MSR1: variants seen among roughly 807,000 people sequenced by gnomAD.
MSR1 encodes macrophage scavenger receptor 1.
MSR1 carries 53 observed loss-of-function variants against 47.2 expected under a neutral mutation model. The observed-to-expected ratio is 1.12, with a 90% CI of 0.90 to 1.41. The LOEUF is 1.41. Among genes scored for constraint, MSR1 ranks in the 40% most tolerant of loss-of-function variants. The pLI, the probability that MSR1 is intolerant of heterozygous loss-of-function variation, is 0.00. For missense variants in MSR1, 786 were observed against 546.9 expected (o/e 1.44, Z -4.36); for synonymous variants, 239 against 185.6 (o/e 1.29, Z -2.34).
At chr8:16,168,940 TCATTCCATTCCGTTCATTTTATTC>T in intron 3 of MSR1, 70 bp from the exon 4 acceptor site, 1 of 1,421,868 alleles carries the variant, frequency 7.0e-7, no homozygotes, top group African/African-American at 1.4e-5. Flanking sequence ...CCATCCCATA[TCATTCCATTCCGTTCATTTTATTC>T]CATTCCATTC....
chr8:16,157,099 G>T (rs146872955), intron 5 of MSR1, among the ~76,000 whole-genome samples: 1 of 152,120 alleles, frequency 6.6e-6, no homozygotes, highest in East Asian at 1.9e-4. Flanking sequence ...CGCAAGCAAA[G>T]ATTTCAGTTT....
chr8:16,132,700 G>C (rs1449273490), intron 8 of MSR1, among the ~76,000 whole-genome samples: 1 of 152,024 alleles, frequency 6.6e-6, no homozygotes, highest in Admixed American at 6.6e-5. Context: ...GGCCAGGCTG[G>C]TCTGGAACTC....
At chr8:16,121,382 G>T (rs114555755) in intron 8 of MSR1, among the ~76,000 whole-genome samples, 2,830 of 152,070 alleles carry the variant, frequency 0.019, 96 homozygotes, top group African/African-American at 0.063. Context: ...GTAAAATCTT[G>T]ATCATGCTAC....
intron 1 of MSR1, among the ~76,000 whole-genome samples, chr8:16,190,745 G>C (rs1226298300): frequency 2.6e-5 from 3 of 116,986 alleles, no homozygotes; most frequent in Admixed American, 9.9e-5. Context: ...TTTTGAGATG[G>C]AGTTTCGCTC....
chr8:16,131,054 A>G (rs1024563081), intron 8 of MSR1, among the ~76,000 whole-genome samples: 2 of 152,142 alleles, frequency 1.3e-5, no homozygotes, highest in Non-Finnish European at 1.5e-5. Context: ...ATAAACCACC[A>G]AAGTGCTTTC....
intron 6 of MSR1, among the ~76,000 whole-genome samples, chr8:16,153,982 G>C (rs866718529): frequency 6.6e-6 from 1 of 151,814 alleles, no homozygotes; most frequent in Non-Finnish European, 1.5e-5. Context: ...TTATATATAT[G>C]GGTAGGATTG....
chr8:16,186,550 CA>C (rs1802005713), intron 1 of MSR1, among the ~76,000 whole-genome samples: 1 of 152,080 alleles, frequency 6.6e-6, no homozygotes, highest in South Asian at 2.1e-4. Flanking sequence ...GCTTTGTTTT[CA>C]AACGCTATGT....
At chr8:16,139,620 G>A (rs1176074954) in intron 8 of MSR1, 3 of 972,938 alleles carry the variant, frequency 3.1e-6, no homozygotes, top group Non-Finnish European at 3.7e-6. Context: ...TAGAACAAAA[G>A]AATATTGGTA....
At chr8:16,112,043 G>A (rs764521910) in intron 9 of MSR1, among the ~76,000 whole-genome samples, 1 of 152,106 alleles carries the variant, frequency 6.6e-6, no homozygotes, top group Non-Finnish European at 1.5e-5. Flanking sequence ...TTATGTTCTA[G>A]GTAGATGAAG....
intron 8 of MSR1, among the ~76,000 whole-genome samples, chr8:16,131,670 G>C (rs1800263138): frequency 1.3e-5 from 2 of 151,860 alleles, no homozygotes; most frequent in South Asian, 4.2e-4. Context: ...ATGGTGTAAG[G>C]AAAGAGTTCA....
rs3036816 is a variant in MSR1, at chr8:16,150,851, AACACACACACAC to A, written c.899-552_899-541del. ...CCCAGGGTAAATAAACATAAACATA[AACACACACACAC>A]ACACACACACACACACACACACATG... is the stretch of plus-strand genomic sequence containing the variant. On this transcript the variant is annotated intron_variant, in intron 6 of 9. Transcript: ENST00000262101. Among the ~76,000 whole-genome samples, 6 of 142,138 alleles carry A rather than the reference AACACACACACAC, an allele frequency of 4.2e-5. 1 individual carries two copies. In the South Asian group the frequency reaches 6.9e-4, roughly 16 times the overall value. The allele number at this position is 142,138 out of a possible 152,430, so 93.2% of individuals were successfully genotyped here. A position where few individuals can be genotyped will look rare whatever the true frequency, so the allele number is the denominator to read the frequency against.
At position 16,190,723 on chromosome 8, in the gene MSR1, C is replaced by CTTTTTTTTTTT. The variant is rs772816603; in HGVS notation, c.-5+1874_-5+1875insAAAAAAAAAAA. 9.6e-4 allele frequency among the ~76,000 whole-genome samples: 140 copies of CTTTTTTTTTTT among 145,250 alleles called. 1 individual carries two copies. Among genetic ancestry groups the CTTTTTTTTTTT allele is most frequent in the African/African-American group, 1.3e-3 (50 of 37,144 alleles). Reference sequence around the variant, plus strand: ...TTATCATATTCTTTCTTTTTTCTTTCTTTCTTTTTGTTTTTGAGATGGAGT... The same window carrying CTTTTTTTTTTT: ...TTATCATATTCTTTCTTTTTTCTTTCTTTTTTTTTTTTTTCTTTTTGTTTTTGAGATGGAGT... On this transcript the variant is annotated intron_variant, in intron 1 of 9. Transcript: ENST00000262101.
chr8:16,148,587 G>C (rs547073438), intron 7 of MSR1, among the ~76,000 whole-genome samples: 7 of 152,078 alleles, frequency 4.6e-5, no homozygotes, highest in Non-Finnish European at 7.4e-5. Flanking sequence ...CTCCTGAATA[G>C]GATGCCACCA....
At chr8:16,148,669 AT>A (rs1800764339) in intron 7 of MSR1, among the ~76,000 whole-genome samples, 1 of 151,872 alleles carries the variant, frequency 6.6e-6, no homozygotes, top group African/African-American at 2.4e-5. Flanking sequence ...TCTTGAACTG[AT>A]GACCTCAAGT....
At chr8:16,164,432 C>G (rs1335417883) in intron 4 of MSR1, among the ~76,000 whole-genome samples, 181 bp from the exon 5 acceptor site, 1 of 151,796 alleles carries the variant, frequency 6.6e-6, no homozygotes, top group African/African-American at 2.4e-5. Context: ...GAAACATTTC[C>G]TCTTTTGACT....
chr8:16,119,148 C>A (rs977843036), intron 9 of MSR1, among the ~76,000 whole-genome samples: 1 of 152,190 alleles, frequency 6.6e-6, no homozygotes, highest in Non-Finnish European at 1.5e-5. Flanking sequence ...CTCCTCTCTT[C>A]ATGAAATTAA....
intron 6 of MSR1, among the ~76,000 whole-genome samples, chr8:16,152,961 G>C (rs565046020): frequency 6.6e-6 from 1 of 152,106 alleles, no homozygotes; most frequent in East Asian, 1.9e-4. Flanking sequence ...CAAGGAAATA[G>C]CCCTCTAAAA....
At chr8:16,167,580 C>A (rs564963376) in intron 4 of MSR1, among the ~76,000 whole-genome samples, 1 of 151,946 alleles carries the variant, frequency 6.6e-6, no homozygotes, top group African/African-American at 2.4e-5. Flanking sequence ...CAAAAACATT[C>A]CATGGTCTCT....
At chr8:16,161,236 G>C (rs1169566374) in intron 5 of MSR1, among the ~76,000 whole-genome samples, 2 of 151,662 alleles carry the variant, frequency 1.3e-5, no homozygotes, top group Admixed American at 6.6e-5. Flanking sequence ...GAGAATGAGA[G>C]CAAGGAAGTC....
Sources: allele counts gnomAD v4.1 joint callset (sites outside exome capture counted in the v4.1 genomes callset), GRCh38; gene constraint gnomAD v4.1.1; transcripts MANE v1.5; gene names NCBI Gene and HGNC (gene_info 2026-07-23, HGNC 2026-07-21).